RAB38: variants seen among roughly 807,000 people sequenced by gnomAD.
RAB38 encodes the protein RAB38, member RAS oncogene family, also known as ras-related protein Rab-38.
Under a neutral mutation model 18.4 loss-of-function variants are expected in RAB38, and 15 were observed. That is an observed-to-expected ratio of 0.82 (90% CI 0.55 to 1.26). The LOEUF (loss-of-function observed/expected upper bound fraction) is 1.26. Among genes scored for constraint, RAB38 ranks in the 50% most tolerant of loss-of-function variants. RAB38 has a pLI of 0.00. For synonymous variants in RAB38, 101 were observed against 104.4 expected (o/e 0.97, Z 0.20); for missense variants, 294 against 267.4 (o/e 1.10, Z -0.69).
At chr11:88,069,255 C>T in the RAB38 span, among the ~76,000 whole-genome samples, 3 of 152,302 alleles carry the variant, frequency 2.0e-5, no homozygotes, top group East Asian at 3.9e-4. Context: ...GTGCTGTGCT[C>T]GAATTCTTGC....
At chr11:88,080,647 T>C in the RAB38 span, among the ~76,000 whole-genome samples, 1 of 152,072 alleles carries the variant, frequency 6.6e-6, no homozygotes, top group African/African-American at 2.4e-5. Context: ...AATTTGAAGT[T>C]GCAATAAACA....
the RAB38 span, among the ~76,000 whole-genome samples, chr11:87,843,119 C>T: frequency 6.6e-6 from 1 of 152,164 alleles, no homozygotes; most frequent in African/African-American, 2.4e-5. Context: ...TTGAGAAGCA[C>T]TGAGAGGTGG....
intron 2 of RAB38, among the ~76,000 whole-genome samples, chr11:88,138,791 T>C (rs368515094): frequency 6.9e-6 from 1 of 144,996 alleles, no homozygotes; most frequent in African/African-American, 2.8e-5. Context: ...TTTTTTTTAT[T>C]ATTTTTTTTG....
chr11:88,036,974 A>G, the RAB38 span, among the ~76,000 whole-genome samples: 2 of 152,012 alleles, frequency 1.3e-5, no homozygotes, highest in Non-Finnish European at 2.9e-5. Flanking sequence ...GTCTTTGTCA[A>G]GCTTAGTTAT....
the RAB38 span, among the ~76,000 whole-genome samples, chr11:87,956,217 T>A: frequency 2.0e-5 from 3 of 152,164 alleles, no homozygotes; most frequent in Non-Finnish European, 4.4e-5. Context: ...GATAAAGGAC[T>A]ATTATGAAGA....
the RAB38 span, among the ~76,000 whole-genome samples, chr11:88,056,732 A>G: frequency 6.6e-6 from 1 of 152,144 alleles, no homozygotes; most frequent in African/African-American, 2.4e-5. Flanking sequence ...TGAACATGGA[A>G]GGCGGAGCTT....
the RAB38 span, among the ~76,000 whole-genome samples, chr11:88,033,820 C>T: frequency 1.5e-4 from 23 of 151,000 alleles, no homozygotes; most frequent in Non-Finnish European, 2.7e-4. Flanking sequence ...CTCCGCCTCC[C>T]GGGTTCATGC....
At chr11:88,047,061 AC>A in the RAB38 span, among the ~76,000 whole-genome samples, 1 of 152,070 alleles carries the variant, frequency 6.6e-6, no homozygotes, top group African/African-American at 2.4e-5. Context: ...CCGCCCTAAT[AC>A]TTTTAGAGGC....
At chr11:88,032,427 A>C in the RAB38 span, among the ~76,000 whole-genome samples, 19 of 152,368 alleles carry the variant, frequency 1.2e-4, no homozygotes, top group East Asian at 5.8e-4. Context: ...ATAAAGTACC[A>C]TCAGAGTGAA....
the RAB38 span, among the ~76,000 whole-genome samples, chr11:88,081,621 C>T: frequency 6.6e-6 from 1 of 151,918 alleles, no homozygotes; most frequent in African/African-American, 2.4e-5. Context: ...GCCTTCTCCC[C>T]TCTGTGTCGC....
intron 2 of RAB38, among the ~76,000 whole-genome samples, chr11:88,144,509 C>T (rs1565215546): frequency 6.6e-6 from 1 of 152,222 alleles, no homozygotes; most frequent in African/African-American, 2.4e-5. Context: ...ATCCACTACA[C>T]TGTGAAACAT....
chr11:88,145,847 G>A (rs1046479981), intron 2 of RAB38, among the ~76,000 whole-genome samples: 3 of 152,086 alleles, frequency 2.0e-5, no homozygotes, highest in Non-Finnish European at 4.4e-5. Context: ...GGAACAGCAG[G>A]TATAAACCAG....
chr11:88,041,126 T>C, the RAB38 span, among the ~76,000 whole-genome samples: 1 of 152,236 alleles, frequency 6.6e-6, no homozygotes, highest in South Asian at 2.1e-4. Flanking sequence ...TTTGTTGCAA[T>C]CTTATCTGTA....
At chr11:88,039,402 T>G in the RAB38 span, among the ~76,000 whole-genome samples, 1 of 152,020 alleles carries the variant, frequency 6.6e-6, no homozygotes, top group Non-Finnish European at 1.5e-5. Context: ...CAGACCTATT[T>G]ATGAGGCAGA....
At chr11:87,857,802 A>G in the RAB38 span, among the ~76,000 whole-genome samples, 1 of 152,074 alleles carries the variant, frequency 6.6e-6, no homozygotes, top group Non-Finnish European at 1.5e-5. Context: ...ATTTTCTCCC[A>G]TTCTGTAGGT....
At chr11:88,125,671 T>A (rs901242784) in intron 2 of RAB38, among the ~76,000 whole-genome samples, 11 of 152,220 alleles carry the variant, frequency 7.2e-5, no homozygotes, top group African/African-American at 2.7e-4. Context: ...ACGTTGCCTG[T>A]TCACTCTGAT....
At chr11:88,155,711 CAGAT>C (rs1943117386) in intron 1 of RAB38, among the ~76,000 whole-genome samples, 5 of 151,996 alleles carry the variant, frequency 3.3e-5, no homozygotes. Flanking sequence ...TCAGAAGTGA[CAGAT>C]AAAGAATTCA....
the RAB38 span, among the ~76,000 whole-genome samples, chr11:87,803,869 C>G: frequency 6.6e-6 from 1 of 152,218 alleles, no homozygotes; most frequent in Non-Finnish European, 1.5e-5. Flanking sequence ...AAAGCAAATT[C>G]CGTTAGGCCC....
chr11:87,937,143 C>A, the RAB38 span, among the ~76,000 whole-genome samples: 1 of 151,448 alleles, frequency 6.6e-6, no homozygotes. Flanking sequence ...AACTACTTTT[C>A]TGACATTATT....
Sources: allele counts gnomAD v4.1 joint callset (sites outside exome capture counted in the v4.1 genomes callset), GRCh38; gene constraint gnomAD v4.1.1; transcripts MANE v1.5; gene names NCBI Gene and HGNC (gene_info 2026-07-23, HGNC 2026-07-21).